Variants in CEMIP observed in about 807,000 individuals in gnomAD.
CEMIP encodes cell migration-inducing and hyaluronan-binding protein.
A neutral mutation model predicts 156.9 loss-of-function variants in CEMIP; 105 were observed. The observed-to-expected ratio is 0.67, with a 90% CI of 0.57 to 0.79. The LOEUF is 0.79. Among genes scored for constraint, CEMIP ranks in the 30% least tolerant of loss-of-function variants. The pLI is 0.00. For missense variants in CEMIP, 1,457 were observed against 1,769.4 expected (o/e 0.82, Z 3.17); for synonymous variants, 676 against 668.4 (o/e 1.01, Z -0.17).
At chr15:80,922,770 G>T (rs1287422181) in intron 17 of CEMIP, among the ~76,000 whole-genome samples, 1 of 152,184 alleles carries the variant, frequency 6.6e-6, no homozygotes, top group Non-Finnish European at 1.5e-5. Context: ...AGATGACCGG[G>T]ATCTCGAGTC....
chr15:80,833,783 C>A (rs943264768), intron 1 of CEMIP, among the ~76,000 whole-genome samples: 3 of 151,786 alleles, frequency 2.0e-5, no homozygotes, highest in African/African-American at 7.3e-5. Flanking sequence ...ATTCTCCTGC[C>A]TCAGCCTCCT....
intron 1 of CEMIP, among the ~76,000 whole-genome samples, chr15:80,822,691 G>C (rs189501198): frequency 6.6e-6 from 1 of 152,278 alleles, no homozygotes; most frequent in East Asian, 1.9e-4. Context: ...AAGGTGGCTC[G>C]GTTTTCGTAG....
chr15:80,933,193 G>T (rs1358171908), intron 22 of CEMIP, 52 bp from the exon 23 acceptor site: 1 of 1,489,422 alleles, frequency 6.7e-7, no homozygotes, highest in Non-Finnish European at 9.4e-7. Flanking sequence ...GATGACGGCT[G>T]CAGTTTCCCT....
At chr15:80,878,997 G>T (rs1217780412) in intron 4 of CEMIP, 130 bp downstream of exon 4, 3 of 1,218,926 alleles carry the variant, frequency 2.5e-6, no homozygotes, top group Non-Finnish European at 3.6e-6. Context: ...GTTGGCATTT[G>T]GTTGTCTGAG....
At chr15:80,799,549 C>G (rs1266937358) in intron 1 of CEMIP, among the ~76,000 whole-genome samples, 1 of 152,190 alleles carries the variant, frequency 6.6e-6, no homozygotes, top group Non-Finnish European at 1.5e-5. Flanking sequence ...CTACCCTGCA[C>G]AATCCTGTTA....
chr15:80,870,252 A>T (rs1898243722), intron 1 of CEMIP, among the ~76,000 whole-genome samples: 1 of 152,098 alleles, frequency 6.6e-6, no homozygotes, highest in African/African-American at 2.4e-5. Context: ...AGGGACGGGG[A>T]TGGCTGTCCC....
At chr15:80,809,455 A>T (rs987483966) in intron 1 of CEMIP, among the ~76,000 whole-genome samples, 1 of 152,236 alleles carries the variant, frequency 6.6e-6, no homozygotes, top group African/African-American at 2.4e-5. Context: ...ATAACAATTC[A>T]GTTTCTATAA....
At chr15:80,787,476 G>A (rs1423660112) in intron 1 of CEMIP, among the ~76,000 whole-genome samples, 1 of 152,232 alleles carries the variant, frequency 6.6e-6, no homozygotes, top group African/African-American at 2.4e-5. Flanking sequence ...AGAAGGCTGA[G>A]TGTTGGTGGG....
At chr15:80,855,373 T>C (rs1000031278) in intron 1 of CEMIP, among the ~76,000 whole-genome samples, 1 of 152,136 alleles carries the variant, frequency 6.6e-6, no homozygotes, top group African/African-American at 2.4e-5. Context: ...ACACAGCAGA[T>C]GAGTGGTGGA....
At chr15:80,895,221 C>T (rs957104441) in intron 11 of CEMIP, 99 bp downstream of exon 11, 23 of 1,531,236 alleles carry the variant, frequency 1.5e-5, no homozygotes, top group East Asian at 2.3e-5. Flanking sequence ...TGAGACAGTG[C>T]TCCCAAAGGA....
intron 14 of CEMIP, among the ~76,000 whole-genome samples, chr15:80,914,043 C>CTGCAGGATGCAGGCAGATGTGGGG (rs1171939076): frequency 3.3e-5 from 5 of 152,232 alleles, no homozygotes; most frequent in Non-Finnish European, 7.3e-5. Context: ...AGCACCAAAG[C>CTGCAGGATGCAGGCAGATGTGGGG]TGCAGGATGC....
intron 3 of CEMIP, 86 bp from the exon 4 acceptor site, chr15:80,878,624 GGCCTTAAAGAT>G (rs951841927): frequency 9.4e-5 from 141 of 1,504,994 alleles, no homozygotes; most frequent in Non-Finnish European, 1.3e-4. Flanking sequence ...AGGAGGTAGG[GGCCTTAAAGAT>G]GCATGGGAGC....
Position 80,779,380 on chromosome 15 carries a change from C to T in CEMIP, c.-410C>T, listed in dbSNP as rs1053551373. The T allele has an allele frequency of 6.6e-6, 1 of 152,350 alleles. No individual in the cohort carries two copies. The highest frequency in any genetic ancestry group is 2.4e-5 in the African/African-American group (1 of 41,472). The allele number at this position is 152,350 out of a possible 1,614,324, so 9.4% of individuals were successfully genotyped here. Reference sequence around the variant, plus strand: ...TCGGCTGAGGGCCGGGGAGCTAGCGCTCAAGCAGAGCCCAGCGCGGTGCTA... The same window carrying T: ...TCGGCTGAGGGCCGGGGAGCTAGCGTTCAAGCAGAGCCCAGCGCGGTGCTA... On this transcript the variant is annotated 5_prime_UTR_variant, in exon 1 of 30. Transcript: ENST00000394685.
intron 5 of CEMIP, 90 bp downstream of exon 5, chr15:80,879,944 G>T: frequency 2.8e-6 from 4 of 1,431,650 alleles, no homozygotes. Flanking sequence ...AAGAGGGCAA[G>T]CTTGCCTGTA....
At position 80,814,210 on chromosome 15, in the gene CEMIP, G is replaced by A. The variant is rs111585286; in HGVS notation, c.-176+34596G>A. Among the ~76,000 whole-genome samples the A allele has an allele frequency of 3.5e-3, 534 of 151,998 alleles. 1 individual carries two copies. Among genetic ancestry groups the A allele is most frequent in the Non-Finnish European group, 6.0e-3 (406 of 67,960 alleles). The stretch of plus-strand genomic sequence containing the variant: ...ACTACAGGTGCCCGCCACCACGCCT[G>A]GCTAATTTTTTTGTATTTTTAGTAG... On this transcript the variant is annotated intron_variant, in intron 1 of 29. Coordinates refer to ENST00000394685, the MANE Select transcript of CEMIP (RefSeq NM_001293298.2).
chr15:80,921,956 G>A, intron 16 of CEMIP, 53 bp from the exon 17 acceptor site: 1 of 1,612,310 alleles, frequency 6.2e-7, no homozygotes, highest in Non-Finnish European at 8.5e-7. Flanking sequence ...CCTTGCCCAG[G>A]AGCTCTCTGG....
intron 1 of CEMIP, among the ~76,000 whole-genome samples, chr15:80,832,786 T>G (rs1274232987): frequency 6.6e-6 from 1 of 152,190 alleles, no homozygotes. Context: ...TAAAGAACAG[T>G]GACATTTATC....
chr15:80,866,201 T>G (rs1017279028), intron 1 of CEMIP, among the ~76,000 whole-genome samples: 2 of 152,174 alleles, frequency 1.3e-5, no homozygotes, highest in Non-Finnish European at 2.9e-5. Context: ...TGAATTTCTG[T>G]TATCACAGGG....
At chr15:80,797,511 C>CT (rs1338390816) in intron 1 of CEMIP, among the ~76,000 whole-genome samples, 1 of 152,162 alleles carries the variant, frequency 6.6e-6, no homozygotes, top group Non-Finnish European at 1.5e-5. Flanking sequence ...TCCAGTCCCT[C>CT]TTTTTTTCTG....
Sources: gnomAD v4.1 joint callset for allele counts (sites outside exome capture counted in the v4.1 genomes callset) on GRCh38, gnomAD v4.1.1 for gene constraint, MANE v1.5 for transcripts, NCBI Gene and HGNC (gene_info 2026-07-23, HGNC 2026-07-21) for gene names.